FLRT2: variants seen among roughly 807,000 people sequenced by gnomAD.
FLRT2 encodes fibronectin leucine rich transmembrane protein 2.
A neutral mutation model predicts 40.0 loss-of-function variants in FLRT2; 15 were observed. The ratio of observed to expected loss-of-function variants is 0.38; its 90% CI spans 0.25 to 0.58. FLRT2 has a LOEUF of 0.58. Ranked by LOEUF, FLRT2 falls within the 20% of genes least tolerant of loss-of-function variation. The probability of loss-of-function intolerance (pLI) is 0.71; values close to 1 mark genes in which losing one functional copy is unlikely to be tolerated. For missense variants in FLRT2, 726 were observed against 840.0 expected, an observed-to-expected ratio of 0.86 and a Z score of 1.68; for synonymous variants, 380 against 336.8, an observed-to-expected ratio of 1.13 and a Z score of -1.41.
chr14:85,538,093 G>A (rs1275583765), intron 1 of FLRT2, among the ~76,000 whole-genome samples: 12 of 152,104 alleles, frequency 7.9e-5, no homozygotes, highest in Non-Finnish European at 1.3e-4. Context: ...ACCATTTGCA[G>A]TGAATTGGAA....
intron 1 of FLRT2, among the ~76,000 whole-genome samples, chr14:85,587,617 A>G (rs1373080139): frequency 6.6e-6 from 1 of 151,828 alleles, no homozygotes; most frequent in Non-Finnish European, 1.5e-5. Flanking sequence ...CATTCCTCAA[A>G]CCCTACCGCA....
In FLRT2 at chr14:85,624,844, T is replaced by A. The variant is rs1374023413; in HGVS notation, c.*1347T>A. 3.0e-5 allele frequency: 5 copies of A among 167,194 alleles called. No homozygotes were observed. Among genetic ancestry groups the A allele is most frequent in the Non-Finnish European group, 5.9e-5 (4 of 68,118 alleles). 10.4% of individuals were successfully genotyped at this position (167,194 alleles called of 1,614,324 possible). On this transcript the variant is annotated 3_prime_UTR_variant, in exon 2 of 2. Transcript: ENST00000330753. ...ATCAAAGCTGGCCAAAATAATGAAT[T>A]TTTTTTAAAAAGCAATACCTGGTTT...
At chr14:85,531,259 G>A (rs970141402) in intron 1 of FLRT2, 3 of 152,490 alleles carry the variant, frequency 2.0e-5, no homozygotes, top group Admixed American at 2.0e-4. Flanking sequence ...GACGCAGGGA[G>A]AGGGCGAATA....
At chr14:85,544,303 C>CTTTAAA (rs1889152260) in intron 1 of FLRT2, among the ~76,000 whole-genome samples, 2 of 152,150 alleles carry the variant, frequency 1.3e-5, no homozygotes, top group African/African-American at 4.8e-5. Flanking sequence ...ATAATAATTT[C>CTTTAAA]GCTTGATGAT....
chr14:85,547,908 G>C (rs1480959789), intron 1 of FLRT2, among the ~76,000 whole-genome samples: 1 of 152,216 alleles, frequency 6.6e-6, no homozygotes, highest in South Asian at 2.1e-4. Flanking sequence ...TCAGATCATA[G>C]GTAGATGAGA....
At chr14:85,545,897 G>A (rs556611284) in intron 1 of FLRT2, among the ~76,000 whole-genome samples, 14 of 152,308 alleles carry the variant, frequency 9.2e-5, no homozygotes, top group African/African-American at 2.9e-4. Flanking sequence ...TGACCAGAGG[G>A]AAGATAATAG....
chr14:85,571,174 G>A (rs747081533), intron 1 of FLRT2, among the ~76,000 whole-genome samples: 4 of 152,112 alleles, frequency 2.6e-5, no homozygotes, highest in Non-Finnish European at 5.9e-5. Flanking sequence ...GATGATATCT[G>A]TGAATGTGTT....
chr14:85,531,995 G>T (rs545067162), intron 1 of FLRT2, among the ~76,000 whole-genome samples: 1 of 152,290 alleles, frequency 6.6e-6, no homozygotes, highest in Non-Finnish European at 1.5e-5. Context: ...CATGATTTAG[G>T]CTCTCAAATA....
chr14:85,579,925 ATTTT>A (rs4015970), intron 1 of FLRT2, among the ~76,000 whole-genome samples: 14 of 117,562 alleles, frequency 1.2e-4, no homozygotes, highest in East Asian at 2.6e-4. Flanking sequence ...GGGTATTAGA[ATTTT>A]TTTTTTTTTT....
At chr14:85,542,738 G>A (rs896947836) in intron 1 of FLRT2, among the ~76,000 whole-genome samples, 2 of 152,162 alleles carry the variant, frequency 1.3e-5, no homozygotes, top group Non-Finnish European at 2.9e-5. Context: ...TGACAGCAAT[G>A]GAATTTAAAA....
chr14:85,607,333 T>C (rs1442056935), intron 1 of FLRT2, among the ~76,000 whole-genome samples: 1 of 152,216 alleles, frequency 6.6e-6, no homozygotes, highest in Non-Finnish European at 1.5e-5. Context: ...CAGTAAGGGA[T>C]TGATGCACAT....
Position 85,622,057 on chromosome 14 carries a change from C to T in FLRT2, c.543C>T (p.Asp181=), listed in dbSNP as rs768574141. 1.2e-6 allele frequency: 2 copies of T among 1,613,910 alleles called. No homozygotes were observed. The highest frequency in any genetic ancestry group is 2.2e-5 in the South Asian group (2 of 91,034). The change falls in exon 2 of 2, where the codon GAC becomes GAT. Residue 181 remains aspartate (D), a synonymous_variant. Coordinates refer to ENST00000330753, the MANE Select transcript of FLRT2 (RefSeq NM_013231.6). ...LSSVPVGLPV[D]LQELRVDENR... is the part of the protein sequence containing the mutation. ...GTGTGCCTGTTGGGCTTCCTGTGGA[C>T]TTGCAAGAGCTGAGAGTGGATGAAA...
chr14:85,538,379 C>T (rs1478826455), intron 1 of FLRT2, among the ~76,000 whole-genome samples: 1 of 152,088 alleles, frequency 6.6e-6, no homozygotes, highest in African/African-American at 2.4e-5. Flanking sequence ...GGTTAAAGAC[C>T]TCAGCCATTT....
chr14:85,585,323 A>G (rs1891568713), intron 1 of FLRT2, among the ~76,000 whole-genome samples: 2 of 152,168 alleles, frequency 1.3e-5, no homozygotes, highest in Non-Finnish European at 2.9e-5. Context: ...AATCTCTTGC[A>G]GGTTTGGTTC....
chr14:85,588,944 T>C (rs1207853662), intron 1 of FLRT2, among the ~76,000 whole-genome samples: 1 of 152,218 alleles, frequency 6.6e-6, no homozygotes, highest in Non-Finnish European at 1.5e-5. Context: ...GGATGGGTGA[T>C]AGGATCTCAT....
At chr14:85,564,107 G>T (rs1347346677) in intron 1 of FLRT2, among the ~76,000 whole-genome samples, 2 of 152,118 alleles carry the variant, frequency 1.3e-5, no homozygotes, top group Non-Finnish European at 2.9e-5. Flanking sequence ...CTTTTCTATG[G>T]CCCTGTTTTG....
intron 1 of FLRT2, among the ~76,000 whole-genome samples, chr14:85,589,091 A>T (rs894347059): frequency 6.6e-6 from 1 of 152,176 alleles, no homozygotes; most frequent in Non-Finnish European, 1.5e-5. Flanking sequence ...TTTGATATAC[A>T]GATGGCCAAC....
In FLRT2 at chr14:85,625,813, G is replaced by T. The variant is rs1893657537; in HGVS notation, c.*2316G>T. 1 of 166,886 alleles carries T rather than the reference G, an allele frequency of 6.0e-6. No homozygotes were observed. The highest frequency in any genetic ancestry group is 1.5e-5 in the Non-Finnish European group (1 of 68,096). The allele number at this position is 166,886 out of a possible 1,614,324, so 10.3% of individuals were successfully genotyped here. A position where few individuals can be genotyped will look rare whatever the true frequency, so the allele number is the denominator to read the frequency against. On this transcript the variant is annotated 3_prime_UTR_variant, in exon 2 of 2. Coordinates refer to ENST00000330753, the MANE Select transcript of FLRT2 (RefSeq NM_013231.6). ...AATGATGGTACTTTGACTTTTGAGGGTTTTTATTTCTGTTATTCACAAAAT... is the reference window on the plus strand; with the variant it reads ...AATGATGGTACTTTGACTTTTGAGGTTTTTTATTTCTGTTATTCACAAAAT...
intron 1 of FLRT2, among the ~76,000 whole-genome samples, chr14:85,607,961 C>T (rs758339369): frequency 4.2e-5 from 6 of 143,626 alleles, no homozygotes; most frequent in African/African-American, 9.0e-5. Context: ...AGATAGCCAT[C>T]TTCTCTTCTC....
Sources: gnomAD v4.1 joint callset for allele counts (sites outside exome capture counted in the v4.1 genomes callset) on GRCh38, gnomAD v4.1.1 for gene constraint, MANE v1.5 for transcripts, NCBI Gene and HGNC (gene_info 2026-07-23, HGNC 2026-07-21) for gene names.